ADGRD1: variants seen among roughly 807,000 people sequenced by gnomAD.
ADGRD1 encodes the protein G-protein coupled receptor 133.
Under a neutral mutation model 113.4 loss-of-function variants are expected in ADGRD1, and 77 were observed. That is an observed-to-expected ratio of 0.68 (90% CI 0.57 to 0.82). The LOEUF (loss-of-function observed/expected upper bound fraction) is 0.82, where lower values mean the gene tolerates loss of function less well. Among genes scored for constraint, ADGRD1 ranks in the 40% least tolerant of loss-of-function variants. ADGRD1 has a pLI of 0.00. For synonymous variants in ADGRD1, 474 were observed against 475.0 expected, an observed-to-expected ratio of 1.00 and a Z score of 0.03; for missense variants, 1,036 against 1,139.1, an observed-to-expected ratio of 0.91 and a Z score of 1.30.
At chr12:131,085,749 A>T (rs1463243581) in intron 15 of ADGRD1, among the ~76,000 whole-genome samples, 1 of 152,106 alleles carries the variant, frequency 6.6e-6, no homozygotes, top group African/African-American at 2.4e-5. Flanking sequence ...GATCTGTTGG[A>T]TGCTGGGCTG....
intron 13 of ADGRD1, among the ~76,000 whole-genome samples, chr12:131,031,569 C>T (rs1880745205): frequency 6.6e-6 from 1 of 151,016 alleles, no homozygotes; most frequent in East Asian, 1.9e-4. Context: ...CAAACACGGC[C>T]CCCCCACCCT....
intron 8 of ADGRD1, among the ~76,000 whole-genome samples, chr12:130,998,838 G>T (rs942111689): frequency 6.6e-6 from 1 of 152,152 alleles, no homozygotes; most frequent in East Asian, 1.9e-4. Context: ...ATGGCAAGGG[G>T]TCATTTCCTG....
At chr12:131,019,224 C>G (rs898847428) in intron 13 of ADGRD1, among the ~76,000 whole-genome samples, 1 of 152,222 alleles carries the variant, frequency 6.6e-6, no homozygotes, top group African/African-American at 2.4e-5. Flanking sequence ...ACTGTCCCAC[C>G]CGGCTCTAGG....
chr12:131,074,359 G>T (rs1261556832), intron 13 of ADGRD1, among the ~76,000 whole-genome samples: 1 of 152,218 alleles, frequency 6.6e-6, no homozygotes, highest in African/African-American at 2.4e-5. Context: ...GTCCAGCAGA[G>T]CTCAGCAGCC....
chr12:131,109,276 T>C (rs369023031), intron 18 of ADGRD1, among the ~76,000 whole-genome samples: 2 of 152,354 alleles, frequency 1.3e-5, no homozygotes, highest in East Asian at 3.9e-4. Context: ...TCAATCTTCA[T>C]TATTTCCTTT....
chr12:131,029,309 C>T (rs1880341655), intron 13 of ADGRD1, among the ~76,000 whole-genome samples: 2 of 152,226 alleles, frequency 1.3e-5, no homozygotes, highest in South Asian at 4.1e-4. Context: ...CTGACCCCAG[C>T]CTCTGTGCCT....
At chr12:130,996,844 C>A (rs1216563876) in intron 8 of ADGRD1, among the ~76,000 whole-genome samples, 4 of 111,448 alleles carry the variant, frequency 3.6e-5, no homozygotes, top group Admixed American at 1.7e-4. Context: ...CTGACCCCCC[C>A]ACCTCCCTCC....
intron 5 of ADGRD1, 42 bp from the exon 6 acceptor site, chr12:130,987,053 A>AT: frequency 6.3e-7 from 1 of 1,594,370 alleles, no homozygotes; most frequent in Non-Finnish European, 8.6e-7. Flanking sequence ...TGGGGAGCTC[A>AT]TTCCCACAGT....
intron 19 of ADGRD1, among the ~76,000 whole-genome samples, chr12:131,120,095 C>G (rs539790108): frequency 6.6e-6 from 1 of 152,112 alleles, no homozygotes; most frequent in Non-Finnish European, 1.5e-5. Flanking sequence ...TGAGCAGTCA[C>G]GGAGGGATGA....
intron 2 of ADGRD1, among the ~76,000 whole-genome samples, chr12:130,955,114 T>C (rs1473927714): frequency 7.0e-6 from 1 of 142,232 alleles, no homozygotes; most frequent in Non-Finnish European, 1.5e-5. Flanking sequence ...TGTGCACCAC[T>C]ACACCCAGCT....
At chr12:131,024,363 G>C (rs564388621) in intron 13 of ADGRD1, 2 of 152,264 alleles carry the variant, frequency 1.3e-5, no homozygotes, top group Admixed American at 6.5e-5. Flanking sequence ...GTGGCTTCTA[G>C]TGGTCCCTAA....
chr12:131,018,480 G>A (rs1262055284), intron 13 of ADGRD1, among the ~76,000 whole-genome samples: 2 of 151,942 alleles, frequency 1.3e-5, no homozygotes, highest in Non-Finnish European at 2.9e-5. Context: ...AGACAGGAGG[G>A]AAGCTCCACC....
intron 15 of ADGRD1, among the ~76,000 whole-genome samples, chr12:131,094,409 G>A (rs953266917): frequency 7.2e-5 from 11 of 152,140 alleles, no homozygotes; most frequent in African/African-American, 2.7e-4. Context: ...GTGGCTGTGG[G>A]CACCGGGGCA....
rs1486912691 is a variant in ADGRD1, at chr12:131,140,689, G to C, written c.*1426G>C. On this transcript the variant is annotated 3_prime_UTR_variant, in exon 25 of 25. Transcript: ENST00000261654. ...CTATGGAGCCTGTGGCCCTTTTGCA[G>C]CCCACCTGGTGGCTTCTTAATGTAA... 1 of 152,248 alleles carries C rather than the reference G, an allele frequency of 6.6e-6. No homozygotes were observed. Among genetic ancestry groups the C allele is most frequent in the Non-Finnish European group, 1.5e-5 (1 of 68,062 alleles). The allele number at this position is 152,248 out of a possible 1,614,324, so 9.4% of individuals were successfully genotyped here.
rs569805288 is a variant in ADGRD1 at position 131,032,386 on chromosome 12, C to T, written c.1473+18046C>T. ...TCTGACGCCTGCTTTGAAAATTCAGCGTAGTAGGAGGTTTCACAACTCACT... is the reference window on the plus strand; with the variant it reads ...TCTGACGCCTGCTTTGAAAATTCAGTGTAGTAGGAGGTTTCACAACTCACT... On this transcript the variant is annotated intron_variant, in intron 13 of 24. Coordinates refer to ENST00000261654, the MANE Select transcript of ADGRD1 (RefSeq NM_198827.5). Among the ~76,000 whole-genome samples, 8 of 152,368 alleles carry T rather than the reference C, an allele frequency of 5.3e-5. No homozygotes were observed. The East Asian group carries it at 1.5e-3, about 29-fold the overall frequency.
chr12:131,097,408 T>A (rs1887365815), intron 15 of ADGRD1, among the ~76,000 whole-genome samples: 7 of 152,178 alleles, frequency 4.6e-5, no homozygotes. Flanking sequence ...TCCTCTCCCG[T>A]CCTGCAGCAC....
At chr12:130,996,799 C>T (rs1480316741) in intron 8 of ADGRD1, among the ~76,000 whole-genome samples, 3 of 104,772 alleles carry the variant, frequency 2.9e-5, no homozygotes, top group African/African-American at 1.1e-4. Context: ...AGGCGCCCCT[C>T]ACCTCCCGGA....
intron 13 of ADGRD1, among the ~76,000 whole-genome samples, chr12:131,072,464 C>T (rs1447740482): frequency 6.6e-6 from 1 of 152,210 alleles, no homozygotes; most frequent in Non-Finnish European, 1.5e-5. Context: ...CACAAGTCTA[C>T]CCCTCTGCCT....
At chr12:131,130,728 G>C (rs952740985) in intron 20 of ADGRD1, among the ~76,000 whole-genome samples, 1 of 151,080 alleles carries the variant, frequency 6.6e-6, no homozygotes, top group Non-Finnish European at 1.5e-5. Flanking sequence ...CCGTGCGGGG[G>C]AAGAGCGAGG....
Sources: gnomAD v4.1 joint callset for allele counts (sites outside exome capture counted in the v4.1 genomes callset) on GRCh38, gnomAD v4.1.1 for gene constraint, MANE v1.5 for transcripts, NCBI Gene and HGNC (gene_info 2026-07-23, HGNC 2026-07-21) for gene names.